Variants in DLG2 observed in about 807,000 individuals in gnomAD.
DLG2 encodes discs large MAGUK scaffold protein 2, also known as disks large homolog 2.
In DLG2, 45 loss-of-function variants were observed where a neutral mutation model predicts 132.5. That is an observed-to-expected ratio of 0.34 (90% confidence interval 0.27 to 0.44). The LOEUF is 0.44. Ranked by LOEUF, DLG2 falls within the 20% of genes least tolerant of loss-of-function variation. The pLI is 1.00. For synonymous variants in DLG2, 424 were observed against 419.6 expected (o/e 1.01, Z -0.13); for missense variants, 1,045 against 1,196.9 (o/e 0.87, Z 1.87).
intron 3 of DLG2, among the ~76,000 whole-genome samples, chr11:85,553,192 T>C (rs1443833161): frequency 1.3e-5 from 2 of 151,698 alleles, no homozygotes; most frequent in Non-Finnish European, 3.0e-5. Flanking sequence ...ATACTGGTGA[T>C]AGGAATAGAA....
chr11:85,308,183 A>T (rs1213762308), intron 3 of DLG2, among the ~76,000 whole-genome samples: 1 of 149,488 alleles, frequency 6.7e-6, no homozygotes. Context: ...AATAAAATAA[A>T]ATAAAATAAA....
At chr11:85,334,958 T>G (rs2082024407) in intron 3 of DLG2, among the ~76,000 whole-genome samples, 3 of 152,178 alleles carry the variant, frequency 2.0e-5, no homozygotes, top group South Asian at 4.2e-4. Flanking sequence ...AAGTCTTGAG[T>G]TTAGGTCCTG....
chr11:84,703,218 CA>C (rs1236771688), intron 6 of DLG2, among the ~76,000 whole-genome samples: 3 of 151,474 alleles, frequency 2.0e-5, no homozygotes, highest in African/African-American at 7.3e-5. Context: ...ATCCTTCTTT[CA>C]AAAAAATGAA....
At chr11:84,869,532 C>T (rs1950551505) in intron 6 of DLG2, among the ~76,000 whole-genome samples, 1 of 152,180 alleles carries the variant, frequency 6.6e-6, no homozygotes, top group Admixed American at 6.5e-5. Flanking sequence ...TGAACTAACT[C>T]AGCTATGGAA....
At chr11:84,721,484 G>T (rs747199371) in intron 6 of DLG2, among the ~76,000 whole-genome samples, 3 of 151,700 alleles carry the variant, frequency 2.0e-5, no homozygotes, top group Non-Finnish European at 2.9e-5. Context: ...AAGACTGATG[G>T]ATGTTTTATT....
At chr11:85,528,632 G>A (rs1484120361) in intron 3 of DLG2, among the ~76,000 whole-genome samples, 1 of 152,090 alleles carries the variant, frequency 6.6e-6, no homozygotes, top group Non-Finnish European at 1.5e-5. Context: ...TCTATTCCTG[G>A]CACTCAAATG....
intron 16 of DLG2, among the ~76,000 whole-genome samples, chr11:83,849,711 G>A (rs2059300415): frequency 1.3e-5 from 2 of 150,688 alleles, no homozygotes; most frequent in Non-Finnish European, 1.5e-5. Context: ...GGCAGATGCA[G>A]GTTTTATGTG....
chr11:85,060,611 G>C (rs541831506), intron 6 of DLG2, among the ~76,000 whole-genome samples: 1 of 151,546 alleles, frequency 6.6e-6, no homozygotes, highest in East Asian at 1.9e-4. Context: ...CTACCTCATA[G>C]ATATTGTGAA....
intron 6 of DLG2, among the ~76,000 whole-genome samples, chr11:84,879,189 T>A (rs554565340): frequency 3.3e-5 from 5 of 152,250 alleles, no homozygotes; most frequent in African/African-American, 1.2e-4. Context: ...CTCTAATGGC[T>A]GCAAGTCAAT....
intron 19 of DLG2, among the ~76,000 whole-genome samples, chr11:83,592,359 C>G (rs941583657): frequency 1.4e-5 from 2 of 147,934 alleles, no homozygotes; most frequent in African/African-American, 4.9e-5. Context: ...ACTATCTGAT[C>G]TTTGACAAAC....
At position 84,534,008 on chromosome 11, in the gene DLG2, G is replaced by A. The variant is rs191033031; in HGVS notation, c.519+562C>T. On this transcript the variant is annotated intron_variant, in intron 7 of 27. Coordinates refer to ENST00000376104, the MANE Select transcript of DLG2 (RefSeq NM_001142699.3). ...CATTTAATTATACCTTCTTCTTGTCGAAATATAATTTATCAAGCAATTGTT... is the reference window on the plus strand; with the variant it reads ...CATTTAATTATACCTTCTTCTTGTCAAAATATAATTTATCAAGCAATTGTT... 3.6e-3 allele frequency among the ~76,000 whole-genome samples: 545 copies of A among 149,368 alleles called. 4 individuals carry two copies. The highest frequency in any genetic ancestry group is 0.011 in the African/African-American group (446 of 40,524).
At chr11:83,506,009 T>A (rs1011238717) in intron 21 of DLG2, among the ~76,000 whole-genome samples, 4 of 152,182 alleles carry the variant, frequency 2.6e-5, no homozygotes, top group Non-Finnish European at 5.9e-5. Flanking sequence ...CAGGACCTAC[T>A]TGAGACCAAT....
At chr11:84,778,833 C>T (rs1047010002) in intron 6 of DLG2, among the ~76,000 whole-genome samples, 2 of 152,318 alleles carry the variant, frequency 1.3e-5, no homozygotes, top group Admixed American at 6.5e-5. Flanking sequence ...ATCCAATCAA[C>T]TATCAGCATG....
chr11:83,555,385 G>C (rs1002328320), intron 19 of DLG2, among the ~76,000 whole-genome samples: 2 of 152,222 alleles, frequency 1.3e-5, no homozygotes, highest in African/African-American at 4.8e-5. Context: ...TGGCTTTAGG[G>C]TGGAGAATGG....
chr11:85,148,536 C>A (rs1209792005), intron 5 of DLG2, among the ~76,000 whole-genome samples: 1 of 152,170 alleles, frequency 6.6e-6, no homozygotes, highest in Non-Finnish European at 1.5e-5. Context: ...TGTTTGTTGG[C>A]TGCATAAATG....
intron 15 of DLG2, among the ~76,000 whole-genome samples, chr11:83,905,151 G>C: frequency 6.6e-6 from 1 of 152,102 alleles, no homozygotes. Flanking sequence ...GGCAAACATT[G>C]TACTAAGCAT....
chr11:84,469,841 G>C (rs2099104171), intron 7 of DLG2, among the ~76,000 whole-genome samples: 1 of 151,642 alleles, frequency 6.6e-6, no homozygotes, highest in Admixed American at 6.6e-5. Context: ...ATGGGTTGCT[G>C]AACAACAGAG....
intron 6 of DLG2, among the ~76,000 whole-genome samples, chr11:85,109,502 G>T (rs919266239): frequency 6.6e-6 from 1 of 151,876 alleles, no homozygotes; most frequent in Non-Finnish European, 1.5e-5. Flanking sequence ...GATCCCAAGG[G>T]GTTCAACTCC....
chr11:83,732,040 A>G lies in DLG2; in HGVS notation c.1825+54650T>C, dbSNP rs542719342. On this transcript the variant is annotated intron_variant, in intron 18 of 27. Coordinates refer to ENST00000376104, the MANE Select transcript of DLG2 (RefSeq NM_001142699.3). ...GTATTATTCATAATTATTATTACTA[A>G]TAATTTGATTTTGCTGAGCCATGGC... 2.5e-4 allele frequency among the ~76,000 whole-genome samples: 38 copies of G among 152,268 alleles called. 1 individual carries two copies. Among genetic ancestry groups the G allele is most frequent in the African/African-American group, 8.9e-4 (37 of 41,540 alleles).
Sources: allele counts gnomAD v4.1 joint callset (sites outside exome capture counted in the v4.1 genomes callset), GRCh38; gene constraint gnomAD v4.1.1; transcripts MANE v1.5; gene names NCBI Gene and HGNC (gene_info 2026-07-23, HGNC 2026-07-21).